Variants in DENND1A observed in about 807,000 individuals in gnomAD.
DENND1A encodes DENN domain containing 1A, also known as DENN domain-containing protein 1A.
DENND1A carries 51 observed loss-of-function variants against 113.7 expected under a neutral mutation model. That is an observed-to-expected ratio of 0.45 (90% CI 0.36 to 0.57). The LOEUF is 0.57. DENND1A is among the 20% of genes least tolerant of loss of function. DENND1A has a pLI of 0.00. For synonymous variants in DENND1A, 565 were observed against 570.8 expected (o/e 0.99, Z 0.14); for missense variants, 1,258 against 1,395.9 (o/e 0.90, Z 1.57).
intron 12 of DENND1A, among the ~76,000 whole-genome samples, chr9:123,561,336 C>T (rs764475258): frequency 6.6e-6 from 1 of 152,170 alleles, no homozygotes; most frequent in Non-Finnish European, 1.5e-5. Flanking sequence ...TCCTGCCTGC[C>T]CCAGCTGGTC....
At chr9:123,541,218 T>C (rs1423846760) in intron 13 of DENND1A, among the ~76,000 whole-genome samples, 1 of 152,210 alleles carries the variant, frequency 6.6e-6, no homozygotes, top group Non-Finnish European at 1.5e-5. Context: ...TTAAGTAATT[T>C]CAATTCTCTC....
chr9:123,897,113 A>G (rs1270228792), intron 1 of DENND1A, among the ~76,000 whole-genome samples: 1 of 152,224 alleles, frequency 6.6e-6, no homozygotes, highest in Non-Finnish European at 1.5e-5. Context: ...GGCACACTCC[A>G]CCCTGTCTCT....
intron 21 of DENND1A, among the ~76,000 whole-genome samples, chr9:123,402,249 C>CAA (rs2043536052): frequency 1.4e-5 from 2 of 145,776 alleles, no homozygotes; most frequent in African/African-American, 5.5e-5. Context: ...CGTGCACACA[C>CAA]ACACACACAC....
At chr9:123,435,642 T>G (rs1233947572) in intron 19 of DENND1A, among the ~76,000 whole-genome samples, 1 of 152,232 alleles carries the variant, frequency 6.6e-6, no homozygotes, top group African/African-American at 2.4e-5. Context: ...AAGGGGGCCC[T>G]GGAAGGGGTT....
chr9:123,447,857 A>G (rs1564506534), intron 18 of DENND1A, among the ~76,000 whole-genome samples: 1 of 152,174 alleles, frequency 6.6e-6, no homozygotes, highest in Non-Finnish European at 1.5e-5. Flanking sequence ...CCAAATCCTA[A>G]ATTAGCTCAA....
chr9:123,469,482 C>T (rs760802021), intron 13 of DENND1A, among the ~76,000 whole-genome samples: 2 of 152,248 alleles, frequency 1.3e-5, no homozygotes, highest in Non-Finnish European at 2.9e-5. Flanking sequence ...GCCCACGCCT[C>T]GGCTCCTCTG....
At chr9:123,415,614 G>T (rs2131628312) in intron 19 of DENND1A, among the ~76,000 whole-genome samples, 1 of 152,338 alleles carries the variant, frequency 6.6e-6, no homozygotes, top group African/African-American at 2.4e-5. Context: ...ACATCTGATT[G>T]TGTGCAGGGC....
chr9:123,807,304 T>A (rs991731956), intron 2 of DENND1A, among the ~76,000 whole-genome samples: 1 of 152,222 alleles, frequency 6.6e-6, no homozygotes, highest in Non-Finnish European at 1.5e-5. Context: ...GGAAATTAGA[T>A]TTACATTACA....
chr9:123,871,087 C>CTTA (rs1008295586), intron 2 of DENND1A, among the ~76,000 whole-genome samples: 15 of 151,980 alleles, frequency 9.9e-5, no homozygotes, highest in African/African-American at 3.4e-4. Flanking sequence ...TGTTTTTAAT[C>CTTA]TTATTATTAT....
chr9:123,614,238 C>T (rs1219149736), intron 10 of DENND1A, among the ~76,000 whole-genome samples: 1 of 152,190 alleles, frequency 6.6e-6, no homozygotes, highest in Non-Finnish European at 1.5e-5. Flanking sequence ...ACAGCCCAAG[C>T]TCTGCACATG....
intron 1 of DENND1A, among the ~76,000 whole-genome samples, 159 bp from the exon 2 acceptor site, chr9:123,879,180 C>T (rs1002568955): frequency 2.6e-5 from 4 of 152,122 alleles, no homozygotes; most frequent in Non-Finnish European, 4.4e-5. Flanking sequence ...TGAGACCATG[C>T]CTTCCTAAAC....
At position 123,884,498 on chromosome 9, in the gene DENND1A, T is replaced by C. The variant is rs535466694; in HGVS notation, c.18-5477A>G. Among the ~76,000 whole-genome samples the C allele has an allele frequency of 2.0e-5, 3 of 152,270 alleles. No individual in the cohort carries two copies. In the East Asian group the frequency reaches 5.8e-4, roughly 29 times the overall value. On this transcript the variant is annotated intron_variant, in intron 1 of 23. Transcript: ENST00000394215. ...CTATAGACTCCTAACCCTGCCCACCTGCCAAGCATTTTTTTTGCCTCCCAC... is the reference window on the plus strand; with the variant it reads ...CTATAGACTCCTAACCCTGCCCACCCGCCAAGCATTTTTTTTGCCTCCCAC...
At chr9:123,879,553 T>TACACACACACACACACACACACAC (rs138124573) in intron 1 of DENND1A, among the ~76,000 whole-genome samples, 110 of 150,102 alleles carry the variant, frequency 7.3e-4, no homozygotes, top group African/African-American at 2.6e-3. Context: ...AATAAAATTA[T>TACACACACACACACACACACACAC]ACACACACAC....
intron 3 of DENND1A, among the ~76,000 whole-genome samples, chr9:123,784,368 C>G (rs1040042089): frequency 3.3e-5 from 5 of 152,106 alleles, no homozygotes; most frequent in Middle Eastern, 3.2e-3. Context: ...GCTTGTAGAC[C>G]ATTAGGAAGA....
intron 21 of DENND1A, among the ~76,000 whole-genome samples, chr9:123,395,994 T>TGC (rs2043111112): frequency 1.3e-5 from 2 of 151,858 alleles, no homozygotes; most frequent in Non-Finnish European, 2.9e-5. Context: ...TGTGTGTGTG[T>TGC]GTGCACGCGT....
chr9:123,557,423 G>A (rs2057481679), intron 13 of DENND1A, 147 bp downstream of exon 13: 3 of 1,199,422 alleles, frequency 2.5e-6, no homozygotes, highest in African/African-American at 1.5e-5. Flanking sequence ...ATGGCAAGGG[G>A]AGTACACTGT....
At position 123,733,722 on chromosome 9, in the gene DENND1A, A is replaced by AT. The variant is rs568652392; in HGVS notation, c.302+23980dup. On this transcript the variant is annotated intron_variant, in intron 5 of 23. Transcript: ENST00000394215. ...GCTCTGTTGCCCAGGCTGGAGTGCA[A>AT]TGGCACAGTCTTGGCTCACTGCAAC... 1.1e-4 allele frequency among the ~76,000 whole-genome samples: 17 copies of AT among 150,028 alleles called. No homozygotes were observed. The South Asian group carries it at 2.5e-3, about 22-fold the overall frequency.
chr9:123,556,102 G>C (rs2057399887), intron 13 of DENND1A, among the ~76,000 whole-genome samples: 1 of 152,214 alleles, frequency 6.6e-6, no homozygotes, highest in Non-Finnish European at 1.5e-5. Context: ...AGACTAGCAG[G>C]ACACTATCAA....
At chr9:123,744,024 T>C (rs1001310966) in intron 5 of DENND1A, among the ~76,000 whole-genome samples, 3 of 152,168 alleles carry the variant, frequency 2.0e-5, no homozygotes, top group African/African-American at 4.8e-5. Flanking sequence ...CATTCTATAT[T>C]TGAAATCATG....
Sources: allele counts gnomAD v4.1 joint callset (sites outside exome capture counted in the v4.1 genomes callset), GRCh38; gene constraint gnomAD v4.1.1; transcripts MANE v1.5; gene names NCBI Gene and HGNC (gene_info 2026-07-23, HGNC 2026-07-21).